The following NXPH1 variants were observed in gnomAD, a reference collection of about 807,000 sequenced individuals.
NXPH1 encodes the protein neurexophilin 1, also known as neurexophilin-1.
A neutral mutation model predicts 23.7 loss-of-function variants in NXPH1; 5 were observed. The observed-to-expected ratio is 0.21, with a 90% confidence interval of 0.11 to 0.44. The LOEUF (loss-of-function observed/expected upper bound fraction) is 0.44, where lower values mean the gene tolerates loss of function less well. Ranked by LOEUF, NXPH1 falls within the 20% of genes least tolerant of loss-of-function variation. The pLI is 0.99. For missense variants in NXPH1, 324 were observed against 321.6 expected (o/e 1.01, Z -0.06); for synonymous variants, 144 against 122.2 (o/e 1.18, Z -1.18).
chr7:8,435,683 G>C lies in NXPH1; in HGVS notation c.-31G>C, dbSNP rs1182055946. 1.1e-5 allele frequency: 18 copies of C among 1,608,932 alleles called. No homozygotes were observed. The highest frequency in any genetic ancestry group is 1.4e-5 in the Non-Finnish European group (17 of 1,175,396). On this transcript the variant is annotated 5_prime_UTR_variant, in exon 2 of 3. Transcript: ENST00000405863. This position sits in a 1 kb window ranked among gnomAD's most constrained non-coding sequence, Gnocchi z 5.9. Reference sequence around the variant, plus strand: ...CTGAAGGAACAAAGACTCAAAGAAGGCACCGCCAAGGAAGTTTGAGACGCG... The same window carrying C: ...CTGAAGGAACAAAGACTCAAAGAAGCCACCGCCAAGGAAGTTTGAGACGCG...
chr7:8,454,108 GA>G lies in NXPH1; in HGVS notation c.54+18342del, dbSNP rs1816551274. On this transcript the variant is annotated intron_variant, in intron 2 of 2. Coordinates refer to ENST00000405863, the MANE Select transcript of NXPH1 (RefSeq NM_152745.3). ...CTTTTGGAGGGTGGAGTGGGGAGGA[GA>G]GAGAGGATCAGGAAAACTAACTAAT... is the stretch of plus-strand genomic sequence containing the variant. Among the ~76,000 whole-genome samples the G allele has an allele frequency of 2.0e-5, 3 of 151,874 alleles. No homozygotes were observed. The East Asian group carries it at 5.8e-4, about 29-fold the overall frequency.
rs540056222 is a variant in NXPH1, at chr7:8,678,928, A to ATTTTTTTTTTTTTTTTTTTTTTTTTTTTT, written c.55-72073_55-72045dup. Among the ~76,000 whole-genome samples, 106 of 68,794 alleles carry ATTTTTTTTTTTTTTTTTTTTTTTTTTTTT rather than the reference A, an allele frequency of 1.5e-3. 21 individuals carry two copies. The highest frequency in any genetic ancestry group is 0.014 in the Middle Eastern group (1 of 74). 45.1% of individuals were successfully genotyped at this position (68,794 alleles called of 152,430 possible). The stretch of plus-strand genomic sequence containing the variant: ...TCTAGATTTATCTTTGCTTTATCCA[A>ATTTTTTTTTTTTTTTTTTTTTTTTTTTTT]TTTTTTTTTTTTTTTTTTTTTTTTT... On this transcript the variant is annotated intron_variant, in intron 2 of 2. Coordinates refer to ENST00000405863, the MANE Select transcript of NXPH1 (RefSeq NM_152745.3).
chr7:8,578,113 A>G (rs531013683), intron 2 of NXPH1, among the ~76,000 whole-genome samples: 1 of 152,296 alleles, frequency 6.6e-6, no homozygotes, highest in African/African-American at 2.4e-5. Context: ...TTTTGGGGCG[A>G]TTTGTTACAC....
chr7:8,689,641 T>A (rs1165566613), intron 2 of NXPH1, among the ~76,000 whole-genome samples: 1 of 152,094 alleles, frequency 6.6e-6, no homozygotes, highest in African/African-American at 2.4e-5. Context: ...AGGGAGTAAA[T>A]ACAATAACTT....
At chr7:8,492,620 T>A (rs1817267349) in intron 2 of NXPH1, among the ~76,000 whole-genome samples, 2 of 152,054 alleles carry the variant, frequency 1.3e-5, no homozygotes, top group African/African-American at 4.8e-5. Context: ...ATAAACTTCA[T>A]ATGCTTTAAT....
At chr7:8,681,396 T>C (rs1438703088) in intron 2 of NXPH1, among the ~76,000 whole-genome samples, 1 of 152,218 alleles carries the variant, frequency 6.6e-6, no homozygotes, top group Non-Finnish European at 1.5e-5. Context: ...TCTTTAACTT[T>C]GTAGACACCA....
intron 2 of NXPH1, among the ~76,000 whole-genome samples, chr7:8,721,324 G>A (rs185556822): frequency 2.6e-5 from 4 of 151,758 alleles, no homozygotes; most frequent in Non-Finnish European, 4.4e-5. Context: ...GGTGAATCTC[G>A]GTAAATGGCA....
intron 2 of NXPH1, among the ~76,000 whole-genome samples, chr7:8,452,300 C>G (rs527566594): frequency 9.9e-4 from 150 of 152,282 alleles, no homozygotes; most frequent in African/African-American, 3.5e-3. Context: ...CCCATCCAGT[C>G]TTTTTGATAT....
intron 2 of NXPH1, among the ~76,000 whole-genome samples, chr7:8,643,051 G>C (rs1410652968): frequency 1.3e-5 from 2 of 151,878 alleles, no homozygotes; most frequent in Admixed American, 1.3e-4. Flanking sequence ...TTTTAGTTGA[G>C]ACAGGGTTTC....
At chr7:8,697,031 G>A (rs6965050) in intron 2 of NXPH1, among the ~76,000 whole-genome samples, 52,354 of 150,686 alleles carry the variant, frequency 0.35, 9,169 homozygotes, top group East Asian at 0.44. Context: ...GGTGGTGGGC[G>A]CCTGTGATCC....
intron 2 of NXPH1, among the ~76,000 whole-genome samples, chr7:8,618,092 G>A (rs369250951): frequency 1.2e-4 from 19 of 152,132 alleles, no homozygotes; most frequent in Admixed American, 2.0e-4. Flanking sequence ...AGTGTCACTC[G>A]CCGCAGGGTT....
intron 2 of NXPH1, among the ~76,000 whole-genome samples, chr7:8,458,962 TTAAAC>T (rs1324969085): frequency 3.3e-5 from 5 of 152,172 alleles, no homozygotes; most frequent in Non-Finnish European, 7.4e-5. Flanking sequence ...ATTCCATTCC[TTAAAC>T]TAAATTTATA....
intron 2 of NXPH1, among the ~76,000 whole-genome samples, chr7:8,499,154 T>G (rs1311468221): frequency 6.6e-6 from 1 of 152,046 alleles, no homozygotes; most frequent in African/African-American, 2.4e-5. Flanking sequence ...GAGAATTCTT[T>G]TTTGGTTCCT....
intron 2 of NXPH1, among the ~76,000 whole-genome samples, chr7:8,516,933 T>G (rs1349378603): frequency 6.6e-6 from 1 of 152,170 alleles, no homozygotes; most frequent in East Asian, 1.9e-4. Flanking sequence ...TAGGGGCTTC[T>G]GTTTTTGTTT....
intron 2 of NXPH1, among the ~76,000 whole-genome samples, chr7:8,499,901 T>C (rs1817403285): frequency 6.6e-6 from 1 of 151,940 alleles, no homozygotes; most frequent in Non-Finnish European, 1.5e-5. Context: ...ACATTAGGAG[T>C]TAAAGGTGCT....
chr7:8,646,714 A>G (rs982676116), intron 2 of NXPH1, among the ~76,000 whole-genome samples: 3 of 151,946 alleles, frequency 2.0e-5, no homozygotes, highest in Non-Finnish European at 4.4e-5. Context: ...TTCTCATTGG[A>G]TGTGTTAATA....
intron 2 of NXPH1, among the ~76,000 whole-genome samples, chr7:8,454,400 A>C (rs1386575312): frequency 6.6e-6 from 1 of 152,118 alleles, no homozygotes; most frequent in Admixed American, 6.5e-5. Context: ...GATTTTAACC[A>C]CTACAAGGTC....
chr7:8,532,468 TGG>T (rs761410034), intron 2 of NXPH1, among the ~76,000 whole-genome samples: 2 of 20,830 alleles, frequency 9.6e-5, no homozygotes, highest in Non-Finnish European at 1.3e-4. Flanking sequence ...ATATTTTTTT[TGG>T]GGGGGGGGGA....
At chr7:8,600,943 A>G (rs970470557) in intron 2 of NXPH1, among the ~76,000 whole-genome samples, 1 of 150,538 alleles carries the variant, frequency 6.6e-6, no homozygotes, top group Non-Finnish European at 1.5e-5. Flanking sequence ...TTGTTTTACT[A>G]TTGTCTACAT....
Sources: gnomAD v4.1 joint callset for allele counts (sites outside exome capture counted in the v4.1 genomes callset) on GRCh38, gnomAD v4.1.1 for gene constraint, Gnocchi (gnomAD v3.1) non-coding constraint, MANE v1.5 for transcripts, NCBI Gene and HGNC (gene_info 2026-07-23, HGNC 2026-07-21) for gene names.